The following ANKRD16 variants were observed in gnomAD, a reference collection of about 807,000 sequenced individuals.
ANKRD16 encodes ankyrin repeat domain 16.
A neutral mutation model predicts 37.9 loss-of-function variants in ANKRD16; 35 were observed. The ratio of observed to expected loss-of-function variants is 0.92; its 90% confidence interval spans 0.71 to 1.23. The LOEUF (loss-of-function observed/expected upper bound fraction) is 1.23, where lower values mean the gene tolerates loss of function less well. ANKRD16 is among the 50% of genes most tolerant of loss of function. The pLI is 0.00. For missense variants in ANKRD16, 480 were observed against 469.9 expected (o/e 1.02, Z -0.20); for synonymous variants, 206 against 197.2 (o/e 1.04, Z -0.37).
intron 6 of ANKRD16, among the ~76,000 whole-genome samples, 186 bp downstream of exon 6, chr10:5,880,112 G>T (rs903976366): frequency 7.6e-5 from 11 of 145,270 alleles, no homozygotes; most frequent in Non-Finnish European, 1.2e-4. Flanking sequence ...GAGCTGAGAT[G>T]GCGTGCCACT....
In ANKRD16 at chr10:5,870,551, A is replaced by G. The variant is rs1434237235; in HGVS notation, c.*33+7546T>C. Among the ~76,000 whole-genome samples, 2 of 152,012 alleles carry G rather than the reference A, an allele frequency of 1.3e-5. No homozygotes were observed. Among genetic ancestry groups the G allele is most frequent in the East Asian group, 3.9e-4 (2 of 5,182 alleles). On this transcript the variant is annotated intron_variant, in intron 7 of 7. Coordinates refer to ENST00000380094, the MANE Select transcript of ANKRD16 (RefSeq NM_019046.3). This position sits in a 1 kb window ranked among gnomAD's most constrained non-coding sequence, Gnocchi z 5.0. ...CCTTGGTAGCTGGGACTACAGGCAC[A>G]CCACGCCCAGCTAATTTTTTGTATT...
rs1842555217 is a variant in ANKRD16, at chr10:5,889,467, G to A, written c.-113C>T. ...TCCGCCTCTTCACGCAACCTGCCCCGCGCGCCCCGAACCCGGCAGAACCGC... is the reference window on the plus strand; with the variant it reads ...TCCGCCTCTTCACGCAACCTGCCCCACGCGCCCCGAACCCGGCAGAACCGC... On this transcript the variant is annotated 5_prime_UTR_variant, in exon 1 of 8. Coordinates refer to ENST00000380094, the MANE Select transcript of ANKRD16 (RefSeq NM_019046.3). The A allele has an allele frequency of 2.5e-6, 2 of 792,040 alleles. No individual in the cohort carries two copies. Among genetic ancestry groups the A allele is most frequent in the Non-Finnish European group, 3.2e-6 (2 of 617,890 alleles). The allele number at this position is 792,040 out of a possible 1,614,324, so 49.1% of individuals were successfully genotyped here. A position where few individuals can be genotyped will look rare whatever the true frequency, so the allele number is the denominator to read the frequency against.
At position 5,889,184 on chromosome 10, in the gene ANKRD16, G is replaced by C; in HGVS notation, c.171C>G (p.Ala57=). 6.3e-7 allele frequency: 1 copy of C among 1,597,856 alleles called. No individual in the cohort carries two copies. Among genetic ancestry groups the C allele is most frequent in the Middle Eastern group, 1.7e-4 (1 of 6,006 alleles). The part of the protein sequence containing the change: ...HGHRDVLAYL[A]EAWGMDIEAT... ...CCTCGATGTCCATGCCCCAGGCCTC[G>C]GCCAGATAGGCCAGCACGTCCCGAT... The change falls in exon 1 of 8, where the codon GCC becomes GCG. Residue 57 remains alanine (A), a synonymous_variant. Transcript: ENST00000380094.
chr10:5,880,198 A>AAG, intron 6 of ANKRD16, 100 bp downstream of exon 6: 1 of 310,234 alleles, frequency 3.2e-6, no homozygotes. Flanking sequence ...AAAAAAAAAA[A>AAG]AAAAAAGGAA....
At chr10:5,888,227 C>T (rs1842479989) in intron 1 of ANKRD16, among the ~76,000 whole-genome samples, 160 bp from the exon 2 acceptor site, 1 of 152,166 alleles carries the variant, frequency 6.6e-6, no homozygotes. Flanking sequence ...AACCTCTGTG[C>T]CTTCTGTGAG....
chr10:5,888,184 G>T lies in ANKRD16; in HGVS notation c.315-117C>A, dbSNP rs1012910497. On this transcript the variant is annotated intron_variant, in intron 1 of 7. Coordinates refer to ENST00000380094, the MANE Select transcript of ANKRD16 (RefSeq NM_019046.3). ...AGATGGAAAACCTAGAGGATTCAGG[G>T]GTCTGGCAGGCAGGAAAACAGCTTT... The T allele has an allele frequency of 2.2e-5, 21 of 942,088 alleles. No individual in the cohort carries two copies. In the Admixed American group the frequency reaches 5.3e-4, roughly 24 times the overall value. The allele number at this position is 942,088 out of a possible 1,614,324, so 58.4% of individuals were successfully genotyped here.
At chr10:5,879,569 C>G (rs117198509) in intron 6 of ANKRD16, among the ~76,000 whole-genome samples, 1 of 151,952 alleles carries the variant, frequency 6.6e-6, no homozygotes, top group African/African-American at 2.4e-5. Flanking sequence ...AATTTGCTCT[C>G]AGCAGATGTT....
chr10:5,889,338 T>A lies in ANKRD16; in HGVS notation c.17A>T (p.Asp6Val). The A allele has an allele frequency of 8.0e-7, 1 of 1,248,768 alleles. No homozygotes were observed. Among genetic ancestry groups the A allele is most frequent in the African/African-American group, 1.6e-5 (1 of 63,860 alleles). 77.4% of individuals were successfully genotyped at this position (1,248,768 alleles called of 1,614,324 possible). The change falls in exon 1 of 8, where the codon GAC (aspartate) becomes GTC (valine). Residue 6 changes from aspartate to valine, a missense_variant. Coordinates refer to ENST00000380094, the MANE Select transcript of ANKRD16 (RefSeq NM_019046.3). ...CACCAGCCTGCAGAGGCGCCGCGGGTCCCCGGGCTGGGCCATCGCCGCGGG... is the reference window on the plus strand; with the variant it reads ...CACCAGCCTGCAGAGGCGCCGCGGGACCCCGGGCTGGGCCATCGCCGCGGG... MAQPG[D>V]PRRLCRLVQE...
chr10:5,884,597 T>C (rs953127827), intron 3 of ANKRD16, among the ~76,000 whole-genome samples: 2 of 152,016 alleles, frequency 1.3e-5, no homozygotes, highest in Non-Finnish European at 2.9e-5. Flanking sequence ...CCAGGTATGG[T>C]GGCATGCACC....
At position 5,861,652 on chromosome 10, in the gene ANKRD16, T is replaced by C. The variant is rs1038215314; in HGVS notation, c.*1073A>G. On this transcript the variant is annotated 3_prime_UTR_variant, in exon 8 of 8. Coordinates refer to ENST00000380094, the MANE Select transcript of ANKRD16 (RefSeq NM_019046.3). ...AGATTATGCCAAGAGCTAATTTTTA[T>C]TAAATGCTTTTTCTATTCCTGGGTT... 6.6e-6 allele frequency: 1 copy of C among 152,088 alleles called. No individual in the cohort carries two copies. The highest frequency in any genetic ancestry group is 2.4e-5 in the African/African-American group (1 of 41,318). 9.4% of individuals were successfully genotyped at this position (152,088 alleles called of 1,614,324 possible).
chr10:5,887,931 G>C lies in ANKRD16; in HGVS notation c.451C>G (p.Leu151Val). The change falls in exon 2 of 8, where the codon CTG (leucine) becomes GTG (valine). Residue 151 changes from leucine (L) to valine (V), a missense_variant. Coordinates refer to ENST00000380094, the MANE Select transcript of ANKRD16 (RefSeq NM_019046.3). Reference protein sequence around the residue: ...FHIASREGDPLILQYLLTVCP... With the variant: ...FHIASREGDPVILQYLLTVCP... ...ACAGTGAGCAGGTACTGGAGGATCA[G>C]AGGGTCGCCTTCTCGACTGGCAATG... 1 of 1,614,218 alleles carries C rather than the reference G, an allele frequency of 6.2e-7. No individual in the cohort carries two copies. Among genetic ancestry groups the C allele is most frequent in the East Asian group, 2.2e-5 (1 of 44,878 alleles).
In ANKRD16 at chr10:5,872,228, T is replaced by C. The variant is rs528376226; in HGVS notation, c.*33+5869A>G. ...GTGTGGTGGCTCACACCTGTAAACC[T>C]AGCACTTTGGGAGGCTGAGGCGGGC... On this transcript the variant is annotated intron_variant, in intron 7 of 7. Coordinates refer to ENST00000380094, the MANE Select transcript of ANKRD16 (RefSeq NM_019046.3). Among the ~76,000 whole-genome samples the C allele has an allele frequency of 5.3e-5, 8 of 152,202 alleles. No individual in the cohort carries two copies. In the East Asian group the frequency reaches 1.5e-3, roughly 29 times the overall value.
intron 1 of ANKRD16, 78 bp downstream of exon 1, chr10:5,888,963 G>A (rs1454233851): frequency 2.2e-6 from 3 of 1,394,442 alleles, no homozygotes; most frequent in Non-Finnish European, 2.8e-6. Context: ...GGTGTCCAAG[G>A]GGACGGAGAA....
At chr10:5,867,777 C>T (rs1486565106) in intron 7 of ANKRD16, among the ~76,000 whole-genome samples, 1 of 152,140 alleles carries the variant, frequency 6.6e-6, no homozygotes, top group East Asian at 1.9e-4. Context: ...TACTACCACA[C>T]ACTCTCAAAG....
rs1329762467 is a variant in ANKRD16, at chr10:5,878,307, A to C, written c.929-20T>G. ...GCAGGGCTGAGGGGTGACAAAAATCACATGGACTTAAAACACAATCCCTGG... is the reference window on the plus strand; with the variant it reads ...GCAGGGCTGAGGGGTGACAAAAATCCCATGGACTTAAAACACAATCCCTGG... On this transcript the variant is annotated intron_variant, in intron 6 of 7. Coordinates refer to ENST00000380094, the MANE Select transcript of ANKRD16 (RefSeq NM_019046.3). This position sits in a 1 kb window ranked among gnomAD's most constrained non-coding sequence, Gnocchi z 5.1. 6.8e-6 allele frequency: 11 copies of C among 1,607,696 alleles called. No homozygotes were observed. Among genetic ancestry groups the C allele is most frequent in the Middle Eastern group, 3.5e-4 (2 of 5,796 alleles).
chr10:5,889,536 A>C lies in ANKRD16; in HGVS notation c.-182T>G, dbSNP rs1450408228. On this transcript the variant is annotated 5_prime_UTR_variant, in exon 1 of 8. Coordinates refer to ENST00000380094, the MANE Select transcript of ANKRD16 (RefSeq NM_019046.3). ...TGTCCCCGGCAGAGCCGCCTCCTCA[A>C]ACCCCCGGCCTAGTCCGCAGGCGGG... 11 of 294,684 alleles carry C rather than the reference A, an allele frequency of 3.7e-5. No individual in the cohort carries two copies. Among genetic ancestry groups the C allele is most frequent in the Middle Eastern group, 1.1e-3 (1 of 886 alleles). The allele number at this position is 294,684 out of a possible 1,614,324, so 18.3% of individuals were successfully genotyped here.
In ANKRD16 at chr10:5,878,746, A is replaced by G. The variant is rs565710555; in HGVS notation, c.929-459T>C. Among the ~76,000 whole-genome samples the G allele has an allele frequency of 9.3e-5, 14 of 151,140 alleles. No homozygotes were observed. In the South Asian group the frequency reaches 2.9e-3, roughly 32 times the overall value. On this transcript the variant is annotated intron_variant, in intron 6 of 7. Transcript: ENST00000380094. The surrounding 1 kb of genome is among the most constrained non-coding windows in gnomAD (Gnocchi z 5.1). The stretch of plus-strand genomic sequence containing the variant: ...CCAGGAGGTGGCGGTTGCAGTGAGC[A>G]CTGCACGCCAGCCTGGGTGACAGAG...
chr10:5,883,218 C>T (rs779175705), intron 4 of ANKRD16, 51 bp from the exon 5 acceptor site: 2 of 1,575,682 alleles, frequency 1.3e-6, no homozygotes, highest in South Asian at 2.3e-5. Flanking sequence ...AGAAACAGGG[C>T]AACTTAGATC....
Position 5,866,144 on chromosome 10 carries a change from C to A in ANKRD16, c.*34-3453G>T, listed in dbSNP as rs375466110. 1.3e-5 allele frequency among the ~76,000 whole-genome samples: 2 copies of A among 152,138 alleles called. No individual in the cohort carries two copies. Among genetic ancestry groups the A allele is most frequent in the East Asian group, 3.8e-4 (2 of 5,202 alleles). ...GGAAGTTATGGCTATCAGACAACCG[C>A]CTACCTAGATACCAGGCACTACTCC... On this transcript the variant is annotated intron_variant, in intron 7 of 7. Coordinates refer to ENST00000380094, the MANE Select transcript of ANKRD16 (RefSeq NM_019046.3). The surrounding 1 kb of genome is among the most constrained non-coding windows in gnomAD (Gnocchi z 4.3).
Sources: allele counts gnomAD v4.1 joint callset (sites outside exome capture counted in the v4.1 genomes callset), GRCh38; gene constraint gnomAD v4.1.1; non-coding constraint Gnocchi (gnomAD v3.1); transcripts MANE v1.5; gene names NCBI Gene and HGNC (gene_info 2026-07-23, HGNC 2026-07-21).